Variants in MARCHF7 observed in about 807,000 individuals in gnomAD.
The protein encoded by MARCHF7 is E3 ubiquitin-protein ligase MARCHF7.
In MARCHF7, 20 loss-of-function variants were observed where a neutral mutation model predicts 76.5. The ratio of observed to expected loss-of-function variants is 0.26; its 90% CI spans 0.18 to 0.38. The LOEUF (loss-of-function observed/expected upper bound fraction) is 0.38, where lower values mean the gene tolerates loss of function less well. Ranked by LOEUF, MARCHF7 falls within the 10% of genes least tolerant of loss-of-function variation. The pLI, the probability that MARCHF7 is intolerant of heterozygous loss-of-function variation, is 1.00. For synonymous variants in MARCHF7, 295 were observed against 293.0 expected (o/e 1.01, Z -0.07); for missense variants, 797 against 812.9 (o/e 0.98, Z 0.24).
rs550161398 is a variant in MARCHF7, at chr2:159,720,023, C to T, written c.-15+4257C>T. Among the ~76,000 whole-genome samples, 22 of 152,130 alleles carry T rather than the reference C, an allele frequency of 1.4e-4. 2 individuals carry two copies. The South Asian group carries it at 3.3e-3, about 23-fold the overall frequency. On this transcript the variant is annotated intron_variant, in intron 3 of 11. Transcript: ENST00000409175. Reference sequence around the variant, plus strand: ...GGCCAAGAATGTTGGAGCAGTGTCCCGCCCTCCCCCCTCCAGCCCCAAGAT... The same window carrying T: ...GGCCAAGAATGTTGGAGCAGTGTCCTGCCCTCCCCCCTCCAGCCCCAAGAT...
At chr2:159,713,860 G>A (rs999384467) in intron 1 of MARCHF7, among the ~76,000 whole-genome samples, 2 of 152,176 alleles carry the variant, frequency 1.3e-5, no homozygotes, top group African/African-American at 4.8e-5. Flanking sequence ...TTCTAGAGAG[G>A]ATTAAATTTG....
intron 9 of MARCHF7, among the ~76,000 whole-genome samples, chr2:159,760,955 A>T (rs1288893393): frequency 6.6e-6 from 1 of 151,992 alleles, no homozygotes; most frequent in Non-Finnish European, 1.5e-5. Flanking sequence ...CACTGATTTT[A>T]AGTGATTAGT....
At chr2:159,759,377 C>T (rs1408713645) in intron 9 of MARCHF7, 42 bp downstream of exon 9, 1 of 972,510 alleles carries the variant, frequency 1.0e-6, no homozygotes, top group East Asian at 2.5e-5. Context: ...CTATTCTATG[C>T]TTCAAGGACA....
chr2:159,748,737 T>C lies in MARCHF7; in HGVS notation c.1447T>C (p.Leu483=). The change falls in exon 7 of 12, where the codon TTA becomes CTA. Residue 483 remains leucine (L), a synonymous_variant. Transcript: ENST00000409175. The part of the protein sequence containing the change: ...TGISGILPGS[L]FRFAVPPALG... ...AATATCAGGGATTCTTCCTGGTTCC[T>C]TATTCCGGTTTGCAGTCCCTCCAGC... is the stretch of plus-strand genomic sequence containing the variant. 6.2e-7 allele frequency: 1 copy of C among 1,614,174 alleles called. No homozygotes were observed. The highest frequency in any genetic ancestry group is 1.3e-5 in the African/African-American group (1 of 75,040).
intron 3 of MARCHF7, among the ~76,000 whole-genome samples, chr2:159,720,924 C>T (rs1247632068): frequency 6.6e-6 from 1 of 152,150 alleles, no homozygotes; most frequent in Non-Finnish European, 1.5e-5. Flanking sequence ...GTGGCATGAT[C>T]TCGGCTCTCT....
At chr2:159,735,814 T>G (rs940015320) in intron 4 of MARCHF7, among the ~76,000 whole-genome samples, 5 of 152,228 alleles carry the variant, frequency 3.3e-5, no homozygotes, top group Admixed American at 1.3e-4. Context: ...TGTGGACTTG[T>G]GTTTTCACTT....
chr2:159,713,357 A>G (rs948507124), intron 1 of MARCHF7, among the ~76,000 whole-genome samples: 1 of 152,178 alleles, frequency 6.6e-6, no homozygotes, highest in Non-Finnish European at 1.5e-5. Flanking sequence ...AAAATGCTGC[A>G]CTTAATACTT....
chr2:159,767,479 A>T lies in MARCHF7; in HGVS notation c.*137A>T, dbSNP rs1304464154. The T allele has an allele frequency of 1.8e-6, 1 of 554,948 alleles. No individual in the cohort carries two copies. The highest frequency in any genetic ancestry group is 3.1e-6 in the Non-Finnish European group (1 of 319,240). The allele number at this position is 554,948 out of a possible 1,614,324, so 34.4% of individuals were successfully genotyped here. A position where few individuals can be genotyped will look rare whatever the true frequency, so the allele number is the denominator to read the frequency against. On this transcript the variant is annotated 3_prime_UTR_variant, in exon 12 of 12. Transcript: ENST00000409175. ...AAAATGAATATATACATACACATGT[A>T]TGCCTGTATATATATATTCATTCTC... is the stretch of plus-strand genomic sequence containing the variant.
At chr2:159,725,333 C>T (rs1028369312) in intron 3 of MARCHF7, among the ~76,000 whole-genome samples, 2 of 152,272 alleles carry the variant, frequency 1.3e-5, no homozygotes, top group East Asian at 3.9e-4. Flanking sequence ...TCCACATCCT[C>T]TCCAGCACCT....
rs1268539856 is a variant in MARCHF7 at position 159,762,828 on chromosome 2, A to C, written c.1894-52A>C. 4 of 1,085,974 alleles carry C rather than the reference A, an allele frequency of 3.7e-6. No homozygotes were observed. The South Asian group carries it at 4.2e-5, about 11-fold the overall frequency. 67.3% of individuals were successfully genotyped at this position (1,085,974 alleles called of 1,614,324 possible). A position where few individuals can be genotyped will look rare whatever the true frequency, so the allele number is the denominator to read the frequency against. On this transcript the variant is annotated intron_variant, in intron 9 of 11. Coordinates refer to ENST00000409175, the MANE Select transcript of MARCHF7 (RefSeq NM_001282805.2). ...TGTGAGTATCAATCTCAATTCTACT[A>C]ATTTTTCATTCTCTGTATTTTTCTT...
intron 5 of MARCHF7, among the ~76,000 whole-genome samples, chr2:159,744,981 T>TA (rs1470620594): frequency 6.6e-6 from 1 of 152,178 alleles, no homozygotes; most frequent in African/African-American, 2.4e-5. Flanking sequence ...AATTCTAGAA[T>TA]AAAAAATCAA....
intron 4 of MARCHF7, among the ~76,000 whole-genome samples, chr2:159,738,881 C>A (rs1273991620): frequency 6.6e-6 from 1 of 152,228 alleles, no homozygotes; most frequent in Non-Finnish European, 1.5e-5. Flanking sequence ...TGCTACTGTT[C>A]ATGGCACCCA....
At chr2:159,745,659 T>TAAC (rs750817836) in intron 5 of MARCHF7, 111 bp from the exon 6 acceptor site, 15 of 525,840 alleles carry the variant, frequency 2.9e-5, no homozygotes, top group African/African-American at 4.0e-5. Flanking sequence ...CCGTCTCAAA[T>TAAC]AATAATAATA....
At position 159,743,196 on chromosome 2, in the gene MARCHF7, A is replaced by C; in HGVS notation, c.289A>C (p.Thr97Pro). ...TTCAAAAAGACCTAAACTTTCCTGTACAAACTGTACTACCTCAGCTGGGAG... is the reference window on the plus strand; with the variant it reads ...TTCAAAAAGACCTAAACTTTCCTGTCCAAACTGTACTACCTCAGCTGGGAG... Reference protein sequence around the residue: ...HDSKRPKLSCTNCTTSAGRNV... With the variant: ...HDSKRPKLSCPNCTTSAGRNV... The change falls in exon 5 of 12, where the codon ACA (threonine) becomes CCA (proline). Residue 97 changes from threonine to proline, a missense_variant. Transcript: ENST00000409175. The C allele has an allele frequency of 2.5e-6, 4 of 1,614,264 alleles. No homozygotes were observed. The highest frequency in any genetic ancestry group is 3.4e-6 in the Non-Finnish European group (4 of 1,180,058).
At chr2:159,754,000 C>A (rs1015448008) in intron 8 of MARCHF7, among the ~76,000 whole-genome samples, 1 of 152,142 alleles carries the variant, frequency 6.6e-6, no homozygotes, top group African/African-American at 2.4e-5. Flanking sequence ...ACCAAGTGTT[C>A]TGTTTTGGAC....
chr2:159,730,581 C>T (rs1008241719), intron 4 of MARCHF7, among the ~76,000 whole-genome samples: 13 of 152,170 alleles, frequency 8.5e-5, no homozygotes, highest in Admixed American at 5.9e-4. Context: ...AACCTAGTCT[C>T]ATTTTAAATG....
intron 4 of MARCHF7, chr2:159,733,186 A>G (rs891719613): frequency 9.5e-5 from 75 of 791,896 alleles, no homozygotes; most frequent in Non-Finnish European, 1.1e-4. Context: ...TACATATAGT[A>G]TGTTTAGTTT....
rs184033350 is a variant in MARCHF7, at chr2:159,720,481, T to C, written c.-15+4715T>C. 4.4e-3 allele frequency among the ~76,000 whole-genome samples: 676 copies of C among 152,340 alleles called. 2 individuals are homozygous for C. Among genetic ancestry groups the C allele is most frequent in the Middle Eastern group, 6.8e-3 (2 of 294 alleles). On this transcript the variant is annotated intron_variant, in intron 3 of 11. Transcript: ENST00000409175. ...TGTTCCTTGCCTGTATTTTTCAAGC[T>C]TCTCTTTATTCAAACACACTAAGCA...
At chr2:159,727,286 A>G (rs898092599) in intron 3 of MARCHF7, among the ~76,000 whole-genome samples, 4 of 152,152 alleles carry the variant, frequency 2.6e-5, no homozygotes, top group Admixed American at 1.3e-4. Flanking sequence ...TTGCCTCAGA[A>G]TATTTTAAAA....
Sources: gnomAD v4.1 joint callset for allele counts (sites outside exome capture counted in the v4.1 genomes callset) on GRCh38, gnomAD v4.1.1 for gene constraint, MANE v1.5 for transcripts, NCBI Gene and HGNC (gene_info 2026-07-23, HGNC 2026-07-21) for gene names.